The following CPB1 variants were observed in gnomAD, a reference collection of about 807,000 sequenced individuals.
The protein encoded by CPB1 is carboxypeptidase B.
In CPB1, 53 loss-of-function variants were observed where a neutral mutation model predicts 51.4. The observed-to-expected ratio is 1.03, with a 90% CI of 0.83 to 1.30. The LOEUF (loss-of-function observed/expected upper bound fraction) is 1.30. Ranked by LOEUF, CPB1 falls within the 50% of genes most tolerant of loss-of-function variation. The probability of loss-of-function intolerance (pLI) is 0.00; values close to 1 mark genes in which losing one functional copy is unlikely to be tolerated. For synonymous variants in CPB1, 189 were observed against 186.9 expected (o/e 1.01, Z -0.09); for missense variants, 494 against 516.2 (o/e 0.96, Z 0.42).
chr3:148,846,774 CATAT>C (rs1559960116), intron 9 of CPB1, among the ~76,000 whole-genome samples: 7 of 48,976 alleles, frequency 1.4e-4, no homozygotes, highest in African/African-American at 5.4e-4. Flanking sequence ...TATATATACA[CATAT>C]ATATGTGTGT....
At chr3:148,835,001 G>A (rs762616233) in intron 3 of CPB1, among the ~76,000 whole-genome samples, 3 of 152,144 alleles carry the variant, frequency 2.0e-5, no homozygotes, top group Admixed American at 2.0e-4. Flanking sequence ...GAGACCTATT[G>A]TGAGTTATGA....
intron 5 of CPB1, among the ~76,000 whole-genome samples, chr3:148,841,326 A>G (rs1713073552): frequency 6.6e-6 from 1 of 152,234 alleles, no homozygotes; most frequent in Non-Finnish European, 1.5e-5. Flanking sequence ...CATGTCTATC[A>G]GACAACATTA....
intron 9 of CPB1, among the ~76,000 whole-genome samples, chr3:148,848,198 A>T (rs1183466595): frequency 1.3e-5 from 2 of 152,214 alleles, no homozygotes; most frequent in Admixed American, 1.3e-4. Context: ...GTATAGACAA[A>T]AAAGAATATG....
At chr3:148,859,463 G>A (rs1319507462) in intron 10 of CPB1, among the ~76,000 whole-genome samples, 1 of 152,124 alleles carries the variant, frequency 6.6e-6, no homozygotes, top group African/African-American at 2.4e-5. Flanking sequence ...TTCTCCTCTT[G>A]CCAATCATCA....
At chr3:148,841,467 A>G (rs1713079482) in intron 5 of CPB1, among the ~76,000 whole-genome samples, 1 of 152,232 alleles carries the variant, frequency 6.6e-6, no homozygotes, top group South Asian at 2.1e-4. Flanking sequence ...AGCGACAATC[A>G]TGATTACTTC....
rs1468074291 is a variant in CPB1, at chr3:148,841,869, G to A, written c.521G>A (p.Gly174Asp). The change falls in exon 6 of 11, where the codon GGT becomes GAT. Residue 174 changes from glycine (G) to aspartate (D), a missense_variant. Coordinates refer to ENST00000282957, the MANE Select transcript of CPB1 (RefSeq NM_001871.3). ...AAGCCTGCCATTTTCATGGACTGTG[G>A]TTTCCATGCCAGAGAGTGGATTTCT... ...QNKPAIFMDCGFHAREWISPA... is the reference protein window; with the variant it reads ...QNKPAIFMDCDFHAREWISPA... The A allele has an allele frequency of 1.9e-6, 3 of 1,614,008 alleles. No individual in the cohort carries two copies. The highest frequency in any genetic ancestry group is 2.5e-6 in the Non-Finnish European group (3 of 1,179,866).
chr3:148,842,085 G>A (rs921267230), intron 6 of CPB1, among the ~76,000 whole-genome samples, 161 bp downstream of exon 6: 1 of 152,098 alleles, frequency 6.6e-6, no homozygotes, highest in Admixed American at 6.6e-5. Context: ...CCTTTATAAG[G>A]CAGAAAATTC....
chr3:148,845,629 A>C lies in CPB1; in HGVS notation c.981+3A>C. 3 of 1,600,618 alleles carry C rather than the reference A, an allele frequency of 1.9e-6. No individual in the cohort carries two copies. Among genetic ancestry groups the C allele is most frequent in the Non-Finnish European group, 2.6e-6 (3 of 1,167,914 alleles). ...TCGGTGAGAACAATGCTGAGTTGGTAAGTAGCAAAGTAGTAGGTATGACAT... is the reference window on the plus strand; with the variant it reads ...TCGGTGAGAACAATGCTGAGTTGGTCAGTAGCAAAGTAGTAGGTATGACAT... On this transcript the variant is annotated splice_donor_region_variant and intron_variant, in intron 9 of 10. Transcript: ENST00000282957.
chr3:148,854,414 AC>A (rs1713518281), intron 9 of CPB1: 2 of 152,242 alleles, frequency 1.3e-5, no homozygotes, highest in Non-Finnish European at 2.9e-5. Context: ...GTCTGTTCTG[AC>A]TTTTTTTGTC....
chr3:148,850,941 A>C (rs1414445106), intron 9 of CPB1: 2 of 152,222 alleles, frequency 1.3e-5, no homozygotes, highest in African/African-American at 4.8e-5. Flanking sequence ...AATTCATTTA[A>C]TAAACTAGTC....
intron 2 of CPB1, among the ~76,000 whole-genome samples, chr3:148,828,599 C>T (rs1712641124): frequency 6.6e-6 from 1 of 152,086 alleles, no homozygotes; most frequent in Non-Finnish European, 1.5e-5. Context: ...TCATACTTTT[C>T]TTTTGCTTTC....
intron 6 of CPB1, 36 bp downstream of exon 6, chr3:148,841,960 G>T: frequency 1.4e-6 from 2 of 1,403,220 alleles, no homozygotes; most frequent in Non-Finnish European, 2.0e-6. Flanking sequence ...AAAGAGAAAT[G>T]TATGTTTTAA....
chr3:148,846,803 A>T (rs745743861), intron 9 of CPB1, among the ~76,000 whole-genome samples: 1 of 37,096 alleles, frequency 2.7e-5, no homozygotes, highest in African/African-American at 1.4e-4. Flanking sequence ...GTGTGTATAT[A>T]TATATATATA....
chr3:148,829,613 T>G (rs1048634934), intron 2 of CPB1, among the ~76,000 whole-genome samples: 4 of 152,218 alleles, frequency 2.6e-5, no homozygotes, highest in Admixed American at 6.5e-5. Flanking sequence ...TGTTGAGATC[T>G]TTTAGAAAAC....
chr3:148,840,664 C>T (rs372026026), intron 3 of CPB1, 22 bp from the exon 4 acceptor site: 1 of 1,607,182 alleles, frequency 6.2e-7, no homozygotes, highest in African/African-American at 1.3e-5. Context: ...TTCATAGGAA[C>T]ACCCACTTTG....
At chr3:148,859,189 A>G (rs887963768) in intron 10 of CPB1, among the ~76,000 whole-genome samples, 8 of 152,180 alleles carry the variant, frequency 5.3e-5, no homozygotes, top group Non-Finnish European at 8.8e-5. Context: ...TTCAGAGTTG[A>G]GCCCATAGCC....
chr3:148,844,855 A>G, intron 8 of CPB1, 88 bp downstream of exon 8: 1 of 1,251,172 alleles, frequency 8.0e-7, no homozygotes. Flanking sequence ...AAAATAAAAA[A>G]AGCAAGTTTT....
At chr3:148,839,828 G>A (rs3772599) in intron 3 of CPB1, among the ~76,000 whole-genome samples, 6,005 of 152,202 alleles carry the variant, frequency 0.039, 219 homozygotes, top group East Asian at 0.12. Flanking sequence ...AGTGGCCTCT[G>A]TCTGTAATAT....
intron 6 of CPB1, among the ~76,000 whole-genome samples, chr3:148,842,936 T>C (rs1311851301): frequency 2.6e-5 from 4 of 152,190 alleles, no homozygotes; most frequent in African/African-American, 9.6e-5. Flanking sequence ...CTCCCTTTAA[T>C]CATAAACAAA....
Sources: allele counts gnomAD v4.1 joint callset (sites outside exome capture counted in the v4.1 genomes callset), GRCh38; gene constraint gnomAD v4.1.1; transcripts MANE v1.5; gene names NCBI Gene and HGNC (gene_info 2026-07-23, HGNC 2026-07-21).